SF3A3: variants seen among roughly 807,000 people sequenced by gnomAD.
The protein encoded by SF3A3 is splicing factor 3a subunit 3, also known as SAP 61.
In SF3A3, 9 loss-of-function variants were observed where a neutral mutation model predicts 85.8. That is an observed-to-expected ratio of 0.10 (90% CI 0.06 to 0.18). The LOEUF is 0.18. Among genes scored for constraint, SF3A3 ranks in the 10% least tolerant of loss-of-function variants. SF3A3 has a pLI of 1.00. For synonymous variants in SF3A3, 195 were observed against 204.4 expected, an observed-to-expected ratio of 0.95 and a Z score of 0.39; for missense variants, 306 against 593.3, an observed-to-expected ratio of 0.52 and a Z score of 5.03.
At chr1:37,971,137 G>A (rs1646342290) in intron 12 of SF3A3, among the ~76,000 whole-genome samples, 2 of 150,132 alleles carry the variant, frequency 1.3e-5, no homozygotes, top group African/African-American at 2.5e-5. Flanking sequence ...GAAGAGAGAA[G>A]AATCAAACAG....
At chr1:37,986,663 T>G (rs2148725190) in intron 4 of SF3A3, among the ~76,000 whole-genome samples, 1 of 151,650 alleles carries the variant, frequency 6.6e-6, no homozygotes, top group Non-Finnish European at 1.5e-5. Context: ...ATACATAAAA[T>G]TAGCCAGGCG....
At position 37,987,788 on chromosome 1, in the gene SF3A3, C is replaced by A; in HGVS notation, c.193G>T (p.Asp65Tyr). 5 of 1,613,240 alleles carry A rather than the reference C, an allele frequency of 3.1e-6. No individual in the cohort carries two copies. Among genetic ancestry groups the A allele is most frequent in the Non-Finnish European group, 4.2e-6 (5 of 1,179,252 alleles). ...GNLRDLYDDK[D>Y]GLRKEELNAI... ...TTAGCTGTGACTGTCACTTACCCAT[C>A]CTTATCATCATACAAATCCCTCAGG... is the stretch of plus-strand genomic sequence containing the variant. Residue 65 changes from aspartate (D) to tyrosine (Y), a missense_variant, in exon 3 of 17, where the codon GAT (aspartate) becomes TAT (tyrosine). Transcript: ENST00000373019.
At chr1:37,980,023 CT>C (rs777029755) in intron 8 of SF3A3, among the ~76,000 whole-genome samples, 40 of 152,280 alleles carry the variant, frequency 2.6e-4, no homozygotes, top group Non-Finnish European at 4.7e-4. Context: ...ATCTGATAAG[CT>C]CTTGGTTGGC....
At chr1:37,983,063 T>A (rs199803130) in intron 6 of SF3A3, among the ~76,000 whole-genome samples, 1 of 151,838 alleles carries the variant, frequency 6.6e-6, no homozygotes, top group Admixed American at 6.6e-5. Context: ...CTCAGCCTCC[T>A]GAGTAGCTAG....
intron 14 of SF3A3, among the ~76,000 whole-genome samples, chr1:37,968,897 G>A (rs550211597): frequency 6.6e-6 from 1 of 152,218 alleles, no homozygotes; most frequent in South Asian, 2.1e-4. Context: ...GTATCATCCG[G>A]ACAATACCCT....
intron 15 of SF3A3, among the ~76,000 whole-genome samples, chr1:37,961,759 C>CAAAAAAAA (rs10699691): frequency 0.018 from 689 of 37,294 alleles, 13 homozygotes; most frequent in East Asian, 0.025. Context: ...GCAAGACTGC[C>CAAAAAAAA]AAAAAAAAAA....
intron 4 of SF3A3, among the ~76,000 whole-genome samples, chr1:37,987,087 C>CT (rs991163310): frequency 2.0e-5 from 3 of 151,242 alleles, no homozygotes; most frequent in Non-Finnish European, 2.9e-5. Context: ...GCCTTGACTT[C>CT]TTTTTTTTGA....
rs34369006 is a variant in SF3A3 at position 37,967,677 on chromosome 1, C to CAAAAAAAAAAAA, written c.1372+355_1372+366dup. Reference sequence around the variant, plus strand: ...TGGGCGACAGAGTGAGACTCCGTCACAAAAAAAAAAAAAAAAAAAAAAAAA... The same window carrying CAAAAAAAAAAAA: ...TGGGCGACAGAGTGAGACTCCGTCACAAAAAAAAAAAAAAAAAAAAAAAAAAAAAAAAAAAAA... On this transcript the variant is annotated intron_variant, in intron 15 of 16. Transcript: ENST00000373019. Among the ~76,000 whole-genome samples the CAAAAAAAAAAAA allele has an allele frequency of 1.4e-4, 6 of 44,238 alleles. 1 individual carries two copies. Among genetic ancestry groups the CAAAAAAAAAAAA allele is most frequent in the Non-Finnish European group, 2.2e-4 (6 of 26,800 alleles). The allele number at this position is 44,238 out of a possible 152,430, so 29.0% of individuals were successfully genotyped here. A position where few individuals can be genotyped will look rare whatever the true frequency, so the allele number is the denominator to read the frequency against.
chr1:37,971,619 G>C (rs1453255267), intron 12 of SF3A3, among the ~76,000 whole-genome samples: 3 of 152,114 alleles, frequency 2.0e-5, no homozygotes, highest in African/African-American at 7.2e-5. Flanking sequence ...TAAAATACTG[G>C]CAAACTGAAT....
At chr1:37,988,548 T>C (rs1484114157) in intron 2 of SF3A3, among the ~76,000 whole-genome samples, 1 of 152,120 alleles carries the variant, frequency 6.6e-6, no homozygotes, top group Non-Finnish European at 1.5e-5. Context: ...TGACACCAAA[T>C]AATCACCCAA....
At chr1:37,960,577 T>G (rs112924571) in intron 15 of SF3A3, 6 of 164,766 alleles carry the variant, frequency 3.6e-5, no homozygotes, top group Non-Finnish European at 7.3e-5. Flanking sequence ...TCCAAAAAAA[T>G]CATTGTAGCT....
chr1:37,987,877 C>A, intron 2 of SF3A3, 41 bp from the exon 3 acceptor site: 1 of 1,538,950 alleles, frequency 6.5e-7, no homozygotes. Context: ...ATGCAATTTG[C>A]ACAACTGTAG....
chr1:37,982,940 A>ATTT (rs561873267), intron 6 of SF3A3, among the ~76,000 whole-genome samples: 1 of 151,178 alleles, frequency 6.6e-6, no homozygotes, highest in African/African-American at 2.4e-5. Flanking sequence ...ACAAAAAAAA[A>ATTT]TTTTTTTTTT....
chr1:37,980,963 T>C (rs1188187305), intron 7 of SF3A3, among the ~76,000 whole-genome samples: 1 of 150,364 alleles, frequency 6.7e-6, no homozygotes, highest in Non-Finnish European at 1.5e-5. Context: ...GATTCTCCTG[T>C]CTCAGCCTCC....
At chr1:37,977,869 T>C (rs1646389960) in intron 11 of SF3A3, among the ~76,000 whole-genome samples, 1 of 148,768 alleles carries the variant, frequency 6.7e-6, no homozygotes, top group Non-Finnish European at 1.5e-5. Context: ...CACACAAAAA[T>C]TAGCCAATGT....
intron 15 of SF3A3, among the ~76,000 whole-genome samples, chr1:37,963,584 TCTCA>T (rs1333161756): frequency 2.7e-5 from 4 of 149,330 alleles, no homozygotes; most frequent in African/African-American, 9.9e-5. Flanking sequence ...TGAGACAGAG[TCTCA>T]CTCTGTCGCC....
chr1:37,987,510 T>C (rs1646465111), intron 4 of SF3A3, 63 bp downstream of exon 4: 1 of 1,218,384 alleles, frequency 8.2e-7, no homozygotes, highest in South Asian at 1.2e-5. Context: ...CAGTTTCCTT[T>C]ATACCTTTCC....
At chr1:37,986,015 C>A (rs1646454251) in intron 4 of SF3A3, among the ~76,000 whole-genome samples, 1 of 138,516 alleles carries the variant, frequency 7.2e-6, no homozygotes, top group Non-Finnish European at 1.5e-5. Context: ...GTGGCGTGAT[C>A]TCAGCTCACT....
chr1:37,962,087 AAAAAC>A (rs138801605), intron 15 of SF3A3, among the ~76,000 whole-genome samples: 132,029 of 145,986 alleles, frequency 0.9, 59,855 homozygotes, highest in East Asian at 0.99. Flanking sequence ...TCCGTCTCAA[AAAAAC>A]AAAACAAAAC....
Sources: allele counts gnomAD v4.1 joint callset (sites outside exome capture counted in the v4.1 genomes callset), GRCh38; gene constraint gnomAD v4.1.1; transcripts MANE v1.5; gene names NCBI Gene and HGNC (gene_info 2026-07-23, HGNC 2026-07-21).